ANKS1B: variants seen among roughly 807,000 people sequenced by gnomAD.
The protein encoded by ANKS1B is ankyrin repeat and sterile alpha motif domain-containing protein 1B.
In ANKS1B, 36 loss-of-function variants were observed where a neutral mutation model predicts 148.3. The observed-to-expected ratio is 0.24, with a 90% CI of 0.19 to 0.32. The LOEUF is 0.32. Ranked by LOEUF, ANKS1B falls within the 10% of genes least tolerant of loss-of-function variation. The pLI is 1.00. For synonymous variants in ANKS1B, 542 were observed against 560.8 expected, an observed-to-expected ratio of 0.97 and a Z score of 0.47; for missense variants, 1,157 against 1,542.6, an observed-to-expected ratio of 0.75 and a Z score of 4.19.
rs183878161 is a variant in ANKS1B at position 99,211,788 on chromosome 12, T to C, written c.2419+32554A>G. ...TTGAAGTGGTATTGAGCTAGAATTA[T>C]AGCCTGTGGCCAGAGGAGACCTGGA... is the stretch of plus-strand genomic sequence containing the variant. On this transcript the variant is annotated intron_variant, in intron 14 of 26. Coordinates refer to ENST00000683438, the MANE Select transcript of ANKS1B (RefSeq NM_001352186.2). Among the ~76,000 whole-genome samples the C allele has an allele frequency of 4.7e-4, 72 of 152,318 alleles. No homozygotes were observed. In the South Asian group the frequency reaches 0.013, roughly 27 times the overall value.
chr12:98,775,834 G>A (rs979836663), intron 24 of ANKS1B, among the ~76,000 whole-genome samples: 2 of 152,090 alleles, frequency 1.3e-5, no homozygotes, highest in Middle Eastern at 3.2e-3. Flanking sequence ...GATACTCCAT[G>A]TTCCAAAATC....
chr12:99,802,127 C>T (rs1045691604), intron 4 of ANKS1B, among the ~76,000 whole-genome samples: 1 of 152,168 alleles, frequency 6.6e-6, no homozygotes, highest in South Asian at 2.1e-4. Flanking sequence ...AAAGCTGTAT[C>T]TTACTTAGTT....
chr12:99,184,948 C>A (rs1368975358), intron 14 of ANKS1B, among the ~76,000 whole-genome samples: 1 of 152,168 alleles, frequency 6.6e-6, no homozygotes, highest in Non-Finnish European at 1.5e-5. Flanking sequence ...TACTTTTCAT[C>A]ACATATACAT....
intron 1 of ANKS1B, among the ~76,000 whole-genome samples, chr12:99,877,672 G>A (rs958126733): frequency 2.6e-5 from 4 of 152,198 alleles, no homozygotes; most frequent in Non-Finnish European, 4.4e-5. Context: ...AGTTTCTAGC[G>A]TTGATTTGTG....
intron 9 of ANKS1B, among the ~76,000 whole-genome samples, chr12:99,548,050 GTTAA>G (rs898149822): frequency 1.3e-5 from 2 of 152,142 alleles, no homozygotes; most frequent in African/African-American, 4.8e-5. Context: ...TAAAATTTGT[GTTAA>G]TTATCAAAAA....
intron 10 of ANKS1B, among the ~76,000 whole-genome samples, chr12:99,485,482 A>C (rs2096476581): frequency 6.6e-6 from 1 of 152,070 alleles, no homozygotes; most frequent in Admixed American, 6.6e-5. Context: ...TGCCTTGGTA[A>C]ATATCTTTTT....
chr12:99,127,588 T>C (rs2064791146), intron 15 of ANKS1B, among the ~76,000 whole-genome samples: 2 of 152,256 alleles, frequency 1.3e-5, no homozygotes, highest in African/African-American at 2.4e-5. Context: ...CAGTAAGGAA[T>C]TGTTTTCCTC....
At chr12:99,526,526 T>C (rs1042585098) in intron 9 of ANKS1B, among the ~76,000 whole-genome samples, 3 of 152,138 alleles carry the variant, frequency 2.0e-5, no homozygotes, top group East Asian at 1.9e-4. Context: ...CTTGGTGTCA[T>C]GCATGAGAAA....
At chr12:99,547,076 T>C (rs2097178576) in intron 9 of ANKS1B, among the ~76,000 whole-genome samples, 1 of 151,976 alleles carries the variant, frequency 6.6e-6, no homozygotes, top group South Asian at 2.1e-4. Context: ...AAGTGTGGCC[T>C]TGGGGAGAAA....
At chr12:99,014,123 T>C (rs1158343566) in intron 17 of ANKS1B, among the ~76,000 whole-genome samples, 1 of 152,138 alleles carries the variant, frequency 6.6e-6, no homozygotes, top group Non-Finnish European at 1.5e-5. Flanking sequence ...TTTCAAACTA[T>C]ACTACAGGGC....
At chr12:99,414,794 C>T (rs939380796) in intron 11 of ANKS1B, among the ~76,000 whole-genome samples, 2 of 152,200 alleles carry the variant, frequency 1.3e-5, no homozygotes, top group Non-Finnish European at 1.5e-5. Context: ...AACAAACCTG[C>T]GCGTTCTGCA....
At chr12:99,929,637 C>T (rs1447623423) in intron 1 of ANKS1B, among the ~76,000 whole-genome samples, 4 of 152,084 alleles carry the variant, frequency 2.6e-5, no homozygotes, top group Non-Finnish European at 4.4e-5. Context: ...TTAGGTCTAA[C>T]ATTTAAGTCT....
At chr12:99,240,220 T>C (rs1221199668) in intron 14 of ANKS1B, among the ~76,000 whole-genome samples, 2 of 151,994 alleles carry the variant, frequency 1.3e-5, no homozygotes, top group African/African-American at 4.8e-5. Context: ...TGGAGGAAGA[T>C]CTACCAAGCA....
chr12:99,325,450 C>T (rs913231846), intron 12 of ANKS1B, among the ~76,000 whole-genome samples: 1 of 152,068 alleles, frequency 6.6e-6, no homozygotes, highest in Non-Finnish European at 1.5e-5. Context: ...GAAGATGGCA[C>T]CTGCAGTGGC....
intron 1 of ANKS1B, among the ~76,000 whole-genome samples, chr12:99,953,735 C>A (rs1343909700): frequency 1.3e-5 from 2 of 152,034 alleles, no homozygotes; most frequent in Non-Finnish European, 2.9e-5. Context: ...TGCAGAGGTT[C>A]ATCTTAGAAA....
rs1380040189 is a variant in ANKS1B, at chr12:99,581,317, AT to A, written c.1272+73749del. ...GGTAATTAAATAGGAAAATAATGAA[AT>A]TTTCAACAAATGGCACAGAAACATT... On this transcript the variant is annotated intron_variant, in intron 9 of 26. Transcript: ENST00000683438. 2.6e-5 allele frequency among the ~76,000 whole-genome samples: 4 copies of A among 152,182 alleles called. 1 individual carries two copies. The highest frequency in any genetic ancestry group is 4.8e-5 in the African/African-American group (2 of 41,444).
intron 14 of ANKS1B, among the ~76,000 whole-genome samples, chr12:99,208,778 T>A (rs1471666632): frequency 5.3e-5 from 8 of 152,198 alleles, no homozygotes; most frequent in Admixed American, 3.9e-4. Flanking sequence ...TTTATGGCTT[T>A]TTAATTTGAA....
intron 8 of ANKS1B, among the ~76,000 whole-genome samples, chr12:99,698,138 AAATC>A (rs1233894799): frequency 1.3e-5 from 2 of 152,184 alleles, no homozygotes; most frequent in East Asian, 1.9e-4. Context: ...AAACAAAACT[AAATC>A]AACAAGAATG....
intron 17 of ANKS1B, among the ~76,000 whole-genome samples, chr12:98,895,592 C>T (rs903473253): frequency 7.2e-5 from 11 of 152,196 alleles, no homozygotes; most frequent in Admixed American, 2.6e-4. Flanking sequence ...AACTTGTGTG[C>T]GCCGGTGGCC....
Sources: gnomAD v4.1 joint callset for allele counts (sites outside exome capture counted in the v4.1 genomes callset) on GRCh38, gnomAD v4.1.1 for gene constraint, MANE v1.5 for transcripts, NCBI Gene and HGNC (gene_info 2026-07-23, HGNC 2026-07-21) for gene names.